NPAS3: variants seen among roughly 807,000 people sequenced by gnomAD.
NPAS3 encodes neuronal PAS domain-containing protein 3.
NPAS3 carries 14 observed loss-of-function variants against 73.1 expected under a neutral mutation model. That is an observed-to-expected ratio of 0.19 (90% confidence interval 0.13 to 0.30). The LOEUF (loss-of-function observed/expected upper bound fraction) is 0.30. Among genes scored for constraint, NPAS3 ranks in the 10% least tolerant of loss-of-function variants. The pLI, the probability that NPAS3 is intolerant of heterozygous loss-of-function variation, is 1.00. For missense variants in NPAS3, 1,096 were observed against 1,250.0 expected (o/e 0.88, Z 1.86); for synonymous variants, 620 against 541.5 (o/e 1.14, Z -2.01).
chr14:33,221,177 G>T lies in NPAS3; in HGVS notation c.385+5751G>T, dbSNP rs116081862. Among the ~76,000 whole-genome samples, 262 of 152,262 alleles carry T rather than the reference G, an allele frequency of 1.7e-3. 1 individual carries two copies. Among genetic ancestry groups the T allele is most frequent in the African/African-American group, 6.1e-3 (254 of 41,560 alleles). On this transcript the variant is annotated intron_variant, in intron 3 of 11. Transcript: ENST00000356141. The stretch of plus-strand genomic sequence containing the variant: ...TATTTGGAAGTAGTTCTTTCATGCT[G>T]ATGGAGGCAAAGGTGTAAGAAGGGT...
chr14:33,719,198 GAC>G (rs774082620), intron 6 of NPAS3, among the ~76,000 whole-genome samples: 14 of 152,254 alleles, frequency 9.2e-5, no homozygotes, highest in Non-Finnish European at 1.6e-4. Flanking sequence ...AACTCCCATG[GAC>G]ACTGCTGCTC....
At chr14:33,157,802 G>T (rs2044702525) in intron 2 of NPAS3, among the ~76,000 whole-genome samples, 1 of 152,188 alleles carries the variant, frequency 6.6e-6, no homozygotes, top group Non-Finnish European at 1.5e-5. Flanking sequence ...CCACTTACAA[G>T]TGACCTTGGC....
chr14:33,703,100 A>C (rs1230471983), intron 6 of NPAS3, among the ~76,000 whole-genome samples: 1 of 152,128 alleles, frequency 6.6e-6, no homozygotes, highest in African/African-American at 2.4e-5. Flanking sequence ...GTGGGGGAAG[A>C]GGATTGGGGC....
rs1267152759 is a variant in NPAS3 at position 33,093,931 on chromosome 14, G to T, written c.140+37937G>T. ...GGGAAATGAACAATGGGAACACTTG[G>T]ACATGGGAAGGGGAACATCACACAC... On this transcript the variant is annotated intron_variant, in intron 2 of 11. Transcript: ENST00000356141. Among the ~76,000 whole-genome samples, 3 of 151,912 alleles carry T rather than the reference G, an allele frequency of 2.0e-5. No homozygotes were observed. In the South Asian group the frequency reaches 6.3e-4, roughly 32 times the overall value.
intron 5 of NPAS3, among the ~76,000 whole-genome samples, chr14:33,592,148 G>T (rs1191938621): frequency 6.6e-6 from 1 of 152,106 alleles, no homozygotes; most frequent in Non-Finnish European, 1.5e-5. Flanking sequence ...TTAAATCAGT[G>T]GTATGCTCTT....
chr14:33,510,719 T>C (rs1008839953), intron 4 of NPAS3, among the ~76,000 whole-genome samples: 2 of 152,080 alleles, frequency 1.3e-5, no homozygotes, highest in Non-Finnish European at 2.9e-5. Context: ...TGACTTTTTA[T>C]ATAACGTGTG....
chr14:33,132,732 G>A (rs530828344), intron 2 of NPAS3, among the ~76,000 whole-genome samples: 1 of 152,170 alleles, frequency 6.6e-6, no homozygotes, highest in South Asian at 2.1e-4. Flanking sequence ...CAAGATGATT[G>A]GATACCTTAA....
intron 4 of NPAS3, among the ~76,000 whole-genome samples, chr14:33,499,105 A>C (rs2052387566): frequency 6.6e-6 from 1 of 151,806 alleles, no homozygotes; most frequent in African/African-American, 2.4e-5. Context: ...TTAACACTGT[A>C]GGAAAAGCCC....
chr14:33,158,534 T>C (rs2044730992), intron 2 of NPAS3, among the ~76,000 whole-genome samples: 1 of 152,014 alleles, frequency 6.6e-6, no homozygotes, highest in Non-Finnish European at 1.5e-5. Context: ...GTGGCAGAAG[T>C]ATTAAAAAAC....
At chr14:32,952,114 TC>T (rs1385905283) in intron 1 of NPAS3, among the ~76,000 whole-genome samples, 1 of 152,100 alleles carries the variant, frequency 6.6e-6, no homozygotes, top group African/African-American at 2.4e-5. Flanking sequence ...ATTCTATGTA[TC>T]ATATGTAGAT....
intron 5 of NPAS3, among the ~76,000 whole-genome samples, chr14:33,674,657 A>T (rs1032263747): frequency 1.3e-5 from 2 of 152,252 alleles, no homozygotes; most frequent in Non-Finnish European, 2.9e-5. Flanking sequence ...GTAAAATGAT[A>T]TAGTCAGTGG....
intron 6 of NPAS3, among the ~76,000 whole-genome samples, chr14:33,724,160 G>A (rs1353717562): frequency 2.0e-5 from 3 of 152,088 alleles, no homozygotes; most frequent in African/African-American, 7.2e-5. Flanking sequence ...AAAAAAATGG[G>A]ATGTATTTGC....
At chr14:33,265,225 A>G (rs1213488179) in intron 3 of NPAS3, among the ~76,000 whole-genome samples, 1 of 152,226 alleles carries the variant, frequency 6.6e-6, no homozygotes, top group Non-Finnish European at 1.5e-5. Context: ...GGGTACCAGA[A>G]TTATCCTAAC....
At chr14:33,773,772 C>G (rs1015888495) in intron 7 of NPAS3, among the ~76,000 whole-genome samples, 1 of 152,208 alleles carries the variant, frequency 6.6e-6, no homozygotes, top group East Asian at 1.9e-4. Flanking sequence ...CAATAAATCA[C>G]TGTACCACTG....
intron 1 of NPAS3, among the ~76,000 whole-genome samples, chr14:32,966,016 G>T (rs987730359): frequency 6.6e-6 from 1 of 152,038 alleles, no homozygotes; most frequent in Non-Finnish European, 1.5e-5. Flanking sequence ...CTTCTACCAT[G>T]AAAACTATAA....
intron 1 of NPAS3, among the ~76,000 whole-genome samples, chr14:33,005,654 C>T (rs1006888395): frequency 1.3e-5 from 2 of 152,038 alleles, no homozygotes; most frequent in South Asian, 2.1e-4. Context: ...AGACTGGGGT[C>T]GAAGGGGGGA....
chr14:33,275,532 TG>T (rs2140033961), intron 3 of NPAS3, among the ~76,000 whole-genome samples: 1 of 152,298 alleles, frequency 6.6e-6, no homozygotes, highest in African/African-American at 2.4e-5. Flanking sequence ...TTAAAATTAG[TG>T]ACAGAGATTT....
chr14:33,086,497 G>T (rs542906571), intron 2 of NPAS3, among the ~76,000 whole-genome samples: 1 of 152,248 alleles, frequency 6.6e-6, no homozygotes, highest in South Asian at 2.1e-4. Context: ...GGGTTTCACT[G>T]AGTTATAATT....
At position 33,374,829 on chromosome 14, in the gene NPAS3, A is replaced by G. The variant is rs970731152; in HGVS notation, c.468+7561A>G. Among the ~76,000 whole-genome samples, 7 of 152,214 alleles carry G rather than the reference A, an allele frequency of 4.6e-5. 1 individual carries two copies. The South Asian group carries it at 1.5e-3, about 32-fold the overall frequency. On this transcript the variant is annotated intron_variant, in intron 4 of 11. Transcript: ENST00000356141. ...TGGGCAAAGTAAAGTGAAAATACCT[A>G]AAACAGCTCAAAAGCTAACACAAAG...
Sources: gnomAD v4.1 joint callset for allele counts (sites outside exome capture counted in the v4.1 genomes callset) on GRCh38, gnomAD v4.1.1 for gene constraint, MANE v1.5 for transcripts, NCBI Gene and HGNC (gene_info 2026-07-23, HGNC 2026-07-21) for gene names.